SPAG16: variants seen among roughly 807,000 people sequenced by gnomAD.
The protein encoded by SPAG16 is sperm-associated antigen 16 protein.
Under a neutral mutation model 80.4 loss-of-function variants are expected in SPAG16, and 86 were observed. That is an observed-to-expected ratio of 1.07 (90% CI 0.90 to 1.28). The LOEUF (loss-of-function observed/expected upper bound fraction) is 1.28. Ranked by LOEUF, SPAG16 falls within the 50% of genes most tolerant of loss-of-function variation. The pLI is 0.00. For synonymous variants in SPAG16, 294 were observed against 265.9 expected (o/e 1.11, Z -1.03); for missense variants, 870 against 765.3 (o/e 1.14, Z -1.61).
At chr2:214,065,536 GA>G (rs1217301288) in intron 13 of SPAG16, among the ~76,000 whole-genome samples, 1 of 151,990 alleles carries the variant, frequency 6.6e-6, no homozygotes, top group Non-Finnish European at 1.5e-5. Flanking sequence ...TTTGAGAATG[GA>G]ATAGTCAAAT....
chr2:213,286,267 CT>C (rs1192702498), intron 1 of SPAG16, among the ~76,000 whole-genome samples: 2 of 152,114 alleles, frequency 1.3e-5, no homozygotes, highest in Non-Finnish European at 2.9e-5. Flanking sequence ...TGCTTTTCTT[CT>C]TTCTTTGGTT....
At chr2:214,045,333 G>T (rs546236702) in intron 13 of SPAG16, among the ~76,000 whole-genome samples, 2 of 152,248 alleles carry the variant, frequency 1.3e-5, no homozygotes, top group Admixed American at 1.3e-4. Context: ...CCCAGTCCTG[G>T]CAGGATCCAT....
At chr2:214,115,962 G>C (rs772222058) in intron 14 of SPAG16, among the ~76,000 whole-genome samples, 12 of 152,058 alleles carry the variant, frequency 7.9e-5, no homozygotes, top group Non-Finnish European at 1.3e-4. Context: ...CTATCAGCAG[G>C]AGTTTCAGGA....
At chr2:214,115,317 A>G (rs1054271063) in intron 14 of SPAG16, among the ~76,000 whole-genome samples, 1 of 152,232 alleles carries the variant, frequency 6.6e-6, no homozygotes, top group African/African-American at 2.4e-5. Context: ...AGTTGTATTT[A>G]AAAAATCCAT....
intron 10 of SPAG16, among the ~76,000 whole-genome samples, chr2:213,724,232 A>G (rs1167943829): frequency 6.6e-6 from 1 of 152,188 alleles, no homozygotes; most frequent in Non-Finnish European, 1.5e-5. Context: ...TGGAGATGCA[A>G]TGACTAGTCA....
At chr2:214,408,615 G>A (rs140147589) in intron 15 of SPAG16, among the ~76,000 whole-genome samples, 2,419 of 152,204 alleles carry the variant, frequency 0.016, 59 homozygotes, top group African/African-American at 0.053. Flanking sequence ...TAAAATTTGT[G>A]ATTAAATATT....
At chr2:214,408,238 G>A (rs1040918236) in intron 15 of SPAG16, among the ~76,000 whole-genome samples, 2 of 151,578 alleles carry the variant, frequency 1.3e-5, no homozygotes, top group South Asian at 2.1e-4. Flanking sequence ...GTTCTGTTTC[G>A]TTTTGTTTGG....
At chr2:214,039,075 G>A (rs1252687285) in intron 13 of SPAG16, among the ~76,000 whole-genome samples, 1 of 152,080 alleles carries the variant, frequency 6.6e-6, no homozygotes, top group Non-Finnish European at 1.5e-5. Flanking sequence ...GGATTGCTGG[G>A]TCAAATGGTA....
At chr2:214,082,651 G>A (rs2051459411) in intron 13 of SPAG16, among the ~76,000 whole-genome samples, 1 of 152,118 alleles carries the variant, frequency 6.6e-6, no homozygotes, top group African/African-American at 2.4e-5. Context: ...AGAATTACCT[G>A]GAAAGCTTTA....
intron 15 of SPAG16, among the ~76,000 whole-genome samples, chr2:214,200,915 A>G (rs2057991114): frequency 6.6e-6 from 1 of 152,164 alleles, no homozygotes; most frequent in Admixed American, 6.5e-5. Flanking sequence ...ATAAATAATA[A>G]TTACCACACA....
intron 10 of SPAG16, among the ~76,000 whole-genome samples, chr2:213,501,675 T>C (rs2074747693): frequency 6.6e-6 from 1 of 152,206 alleles, no homozygotes; most frequent in South Asian, 2.1e-4. Context: ...AATGTTGTAG[T>C]ACATTTAAGT....
At chr2:213,873,779 T>C (rs2076038695) in intron 11 of SPAG16, among the ~76,000 whole-genome samples, 1 of 152,058 alleles carries the variant, frequency 6.6e-6, no homozygotes, top group Admixed American at 6.6e-5. Flanking sequence ...CATTTCCATA[T>C]ATATGTCATG....
At chr2:213,680,369 A>G (rs1299984439) in intron 10 of SPAG16, among the ~76,000 whole-genome samples, 1 of 151,910 alleles carries the variant, frequency 6.6e-6, no homozygotes, top group Non-Finnish European at 1.5e-5. Flanking sequence ...TAGTTTTGGC[A>G]TTACAACTCA....
At chr2:213,610,733 C>T (rs780165289) in intron 10 of SPAG16, among the ~76,000 whole-genome samples, 8 of 151,998 alleles carry the variant, frequency 5.3e-5, no homozygotes, top group Admixed American at 2.0e-4. Context: ...AGAGGAAGAA[C>T]GCGTCTACCC....
intron 15 of SPAG16, among the ~76,000 whole-genome samples, chr2:214,284,503 C>G (rs1253598867): frequency 3.9e-5 from 6 of 152,190 alleles, no homozygotes; most frequent in Admixed American, 3.3e-4. Flanking sequence ...TCATGTTTCT[C>G]TAGCTCCACG....
chr2:214,335,489 T>C lies in SPAG16; in HGVS notation c.1721-74651T>C, dbSNP rs555349714. 1.2e-3 allele frequency among the ~76,000 whole-genome samples: 180 copies of C among 151,712 alleles called. 1 individual carries two copies. Among genetic ancestry groups the C allele is most frequent in the African/African-American group, 4.2e-3 (175 of 41,410 alleles). On this transcript the variant is annotated intron_variant, in intron 15 of 15. Transcript: ENST00000331683. ...GGAGGAATATATATATATATAGATA[T>C]ATATATAATTTCAACCTTTCCACAT...
rs114707042 is a variant in SPAG16 at position 214,265,457 on chromosome 2, T to C, written c.1720+116191T>C. Among the ~76,000 whole-genome samples, 762 of 152,242 alleles carry C rather than the reference T, an allele frequency of 5.0e-3. 5 individuals are homozygous for C. The highest frequency in any genetic ancestry group is 0.017 in the African/African-American group (721 of 41,568). On this transcript the variant is annotated intron_variant, in intron 15 of 15. Transcript: ENST00000331683. Reference sequence around the variant, plus strand: ...GCACACTTTTTAATTGAGTTATTTATTTTCTTATGATTGAGTTTTCAAAGT... The same window carrying C: ...GCACACTTTTTAATTGAGTTATTTACTTTCTTATGATTGAGTTTTCAAAGT...
intron 15 of SPAG16, among the ~76,000 whole-genome samples, chr2:214,171,216 C>T (rs2125634195): frequency 6.6e-6 from 1 of 151,948 alleles, no homozygotes; most frequent in African/African-American, 2.4e-5. Flanking sequence ...CAGGTCTGGC[C>T]ACTTTTACTT....
chr2:213,904,165 G>A (rs1278246659), intron 11 of SPAG16, among the ~76,000 whole-genome samples: 2 of 152,036 alleles, frequency 1.3e-5, no homozygotes, highest in East Asian at 1.9e-4. Flanking sequence ...TTCCAAAGTC[G>A]GTTCCACATT....
Sources: gnomAD v4.1 joint callset for allele counts (sites outside exome capture counted in the v4.1 genomes callset) on GRCh38, gnomAD v4.1.1 for gene constraint, MANE v1.5 for transcripts, NCBI Gene and HGNC (gene_info 2026-07-23, HGNC 2026-07-21) for gene names.